Variants in NTRK2 observed in about 807,000 individuals in gnomAD.
NTRK2 encodes BDNF/NT-3 growth factors receptor.
NTRK2 carries 13 observed loss-of-function variants against 94.5 expected under a neutral mutation model. The observed-to-expected ratio is 0.14, with a 90% CI of 0.09 to 0.22. The LOEUF (loss-of-function observed/expected upper bound fraction) is 0.22, where lower values mean the gene tolerates loss of function less well. Among genes scored for constraint, NTRK2 ranks in the 10% least tolerant of loss-of-function variants. NTRK2 has a pLI of 1.00. For synonymous variants in NTRK2, 372 were observed against 407.4 expected, an observed-to-expected ratio of 0.91 and a Z score of 1.05; for missense variants, 639 against 1,071.2, an observed-to-expected ratio of 0.60 and a Z score of 5.63.
intron 15 of NTRK2, among the ~76,000 whole-genome samples, chr9:84,942,386 T>A (rs1241399767): frequency 6.6e-6 from 1 of 152,236 alleles, no homozygotes; most frequent in Non-Finnish European, 1.5e-5. Flanking sequence ...TGATCAAGGC[T>A]TGTTCTAAAT....
At chr9:84,906,343 C>T (rs2077074680) in intron 14 of NTRK2, among the ~76,000 whole-genome samples, 1 of 152,110 alleles carries the variant, frequency 6.6e-6, no homozygotes, top group Non-Finnish European at 1.5e-5. Context: ...GCAATGGGAT[C>T]CAATGACAGA....
Position 84,723,682 on chromosome 9 carries a change from T to C in NTRK2, c.693T>C (p.Asp231=). Residue 231 remains aspartate (D), a synonymous_variant, in exon 7 of 19, where the codon GAT becomes GAC. Transcript: ENST00000277120. ...ATCCGGTTCCTAATATGTATTGGGATGTTGGTAACCTGGTTTCCAAACATA... is the reference window on the plus strand; with the variant it reads ...ATCCGGTTCCTAATATGTATTGGGACGTTGGTAACCTGGTTTCCAAACATA... ...AGDPVPNMYW[D]VGNLVSKHMN... is the part of the protein sequence containing the mutation. 6.2e-7 allele frequency: 1 copy of C among 1,614,140 alleles called. No individual in the cohort carries two copies. The highest frequency in any genetic ancestry group is 8.5e-7 in the Non-Finnish European group (1 of 1,179,970).
At position 84,876,976 on chromosome 9, in the gene NTRK2, C is replaced by A. The variant is rs149748499; in HGVS notation, c.1633+9545C>A. ...ATTGGATTTTAAAGAGGAAAACACT[C>A]ATTTTCTTAGTAAGATATTGGTGAT... On this transcript the variant is annotated intron_variant, in intron 14 of 18. Coordinates refer to ENST00000277120, the MANE Select transcript of NTRK2 (RefSeq NM_006180.6). 5.0e-4 allele frequency: 531 copies of A among 1,060,954 alleles called. 2 individuals are homozygous for A. The African/African-American group carries it at 7.2e-3, about 14-fold the overall frequency. 65.7% of individuals were successfully genotyped at this position (1,060,954 alleles called of 1,614,324 possible).
At chr9:84,672,895 T>A (rs1039588924) in intron 2 of NTRK2, among the ~76,000 whole-genome samples, 7 of 152,206 alleles carry the variant, frequency 4.6e-5, no homozygotes, top group African/African-American at 1.2e-4. Context: ...TCAGCTTTTT[T>A]AAAGTAGATT....
intron 12 of NTRK2, among the ~76,000 whole-genome samples, chr9:84,846,008 A>G (rs942553087): frequency 6.6e-6 from 1 of 152,178 alleles, no homozygotes; most frequent in East Asian, 1.9e-4. Context: ...CAGAAAGGGA[A>G]CCCTTCCCAA....
chr9:84,939,067 A>AAAAAAAAAAAAAAAAAG (rs1554772373), intron 15 of NTRK2, among the ~76,000 whole-genome samples: 1 of 144,562 alleles, frequency 6.9e-6, no homozygotes, highest in Non-Finnish European at 1.5e-5. Context: ...AAAAAAAAAA[A>AAAAAAAAAAAAAAAAAG]AAAAGAAAAG....
At chr9:84,809,453 A>G (rs1434868345) in intron 12 of NTRK2, among the ~76,000 whole-genome samples, 2 of 149,006 alleles carry the variant, frequency 1.3e-5, no homozygotes, top group Non-Finnish European at 3.0e-5. Flanking sequence ...TATAGATATA[A>G]TATATACATA....
chr9:84,956,599 T>A (rs1422939969), intron 17 of NTRK2, among the ~76,000 whole-genome samples: 9 of 152,174 alleles, frequency 5.9e-5, no homozygotes, highest in Middle Eastern at 3.2e-3. Context: ...TGTCTATAGC[T>A]TAACAGCATA....
At chr9:84,764,934 T>C (rs908650574) in intron 12 of NTRK2, among the ~76,000 whole-genome samples, 3 of 152,228 alleles carry the variant, frequency 2.0e-5, no homozygotes, top group Non-Finnish European at 4.4e-5. Context: ...GGGGTCATTA[T>C]GTTAAGTTAA....
At chr9:84,769,483 G>C (rs921947303) in intron 12 of NTRK2, among the ~76,000 whole-genome samples, 1 of 152,130 alleles carries the variant, frequency 6.6e-6, no homozygotes, top group Non-Finnish European at 1.5e-5. Context: ...ATTTGAATAA[G>C]GCAGAGTCTT....
chr9:85,012,515 G>T (rs1831736473), intron 17 of NTRK2, among the ~76,000 whole-genome samples: 1 of 152,088 alleles, frequency 6.6e-6, no homozygotes, highest in African/African-American at 2.4e-5. Flanking sequence ...TCATGTAAAA[G>T]GAATCACCTA....
At chr9:84,869,789 C>A (rs967550105) in intron 14 of NTRK2, among the ~76,000 whole-genome samples, 5 of 152,028 alleles carry the variant, frequency 3.3e-5, no homozygotes, top group African/African-American at 9.7e-5. Flanking sequence ...TAATTTCTAG[C>A]AGATATGTAA....
chr9:85,012,085 T>G (rs1194447890), intron 17 of NTRK2, among the ~76,000 whole-genome samples: 2 of 151,680 alleles, frequency 1.3e-5, no homozygotes, highest in Non-Finnish European at 2.9e-5. Context: ...GCCTCCCAGG[T>G]TCAAGCGATT....
intron 14 of NTRK2, chr9:84,873,042 C>T (rs2075923932): frequency 1.9e-6 from 2 of 1,063,438 alleles, no homozygotes; most frequent in Non-Finnish European, 2.3e-6. Context: ...ATCCAGGACC[C>T]CAGAAGCTCA....
chr9:84,836,045 A>T (rs565508927), intron 12 of NTRK2, among the ~76,000 whole-genome samples: 206 of 152,280 alleles, frequency 1.4e-3, no homozygotes, highest in Non-Finnish European at 2.4e-3. Flanking sequence ...TTAGAACAGA[A>T]ATCTCAGGGA....
intron 17 of NTRK2, among the ~76,000 whole-genome samples, chr9:84,969,848 A>T (rs1047790728): frequency 3.3e-5 from 5 of 152,226 alleles, no homozygotes; most frequent in Admixed American, 3.3e-4. Context: ...ACAGGTAAAG[A>T]ACACTTCCTT....
chr9:84,885,792 C>T (rs971986344), intron 14 of NTRK2, among the ~76,000 whole-genome samples: 1 of 152,098 alleles, frequency 6.6e-6, no homozygotes, highest in Non-Finnish European at 1.5e-5. Flanking sequence ...CTTTGGGAGG[C>T]CGAGGCAGGC....
At chr9:85,019,243 C>G (rs1416845326) in intron 17 of NTRK2, among the ~76,000 whole-genome samples, 1 of 152,154 alleles carries the variant, frequency 6.6e-6, no homozygotes, top group Non-Finnish European at 1.5e-5. Context: ...TTAGAGAGGT[C>G]CAATTTTCTG....
intron 12 of NTRK2, among the ~76,000 whole-genome samples, chr9:84,761,663 C>T (rs1430001300): frequency 3.3e-5 from 5 of 152,124 alleles, no homozygotes; most frequent in Non-Finnish European, 7.3e-5. Context: ...ATTGTGTAGC[C>T]ACAGTCTCTT....
Sources: gnomAD v4.1 joint callset for allele counts (sites outside exome capture counted in the v4.1 genomes callset) on GRCh38, gnomAD v4.1.1 for gene constraint, MANE v1.5 for transcripts, NCBI Gene and HGNC (gene_info 2026-07-23, HGNC 2026-07-21) for gene names.